ABHD12: variants seen among roughly 807,000 people sequenced by gnomAD.
The protein encoded by ABHD12 is abhydrolase domain containing 12, lysophospholipase.
Under a neutral mutation model 58.3 loss-of-function variants are expected in ABHD12, and 43 were observed. The observed-to-expected ratio is 0.74, with a 90% CI of 0.58 to 0.95. ABHD12 has a LOEUF of 0.95. Ranked by LOEUF, ABHD12 falls within the 40% of genes least tolerant of loss-of-function variation. ABHD12 has a pLI of 0.00. For missense variants in ABHD12, 539 were observed against 537.2 expected, an observed-to-expected ratio of 1.00 and a Z score of -0.03; for synonymous variants, 219 against 211.2, an observed-to-expected ratio of 1.04 and a Z score of -0.32.
rs545855807 is a variant in ABHD12 at position 25,326,494 on chromosome 20, T to C, written c.317-3064A>G. 2.6e-5 allele frequency among the ~76,000 whole-genome samples: 4 copies of C among 152,296 alleles called. No homozygotes were observed. The East Asian group carries it at 7.7e-4, about 29-fold the overall frequency. ...AGGAATTTACCAAACTCATAGGTAT[T>C]TGAGGATAGAAACCCATGGCTGGAC... On this transcript the variant is annotated intron_variant, in intron 2 of 12. Coordinates refer to ENST00000339157, the MANE Select transcript of ABHD12 (RefSeq NM_001042472.3).
At chr20:25,306,088 A>C (rs769668808) in intron 10 of ABHD12, among the ~76,000 whole-genome samples, 4 of 152,030 alleles carry the variant, frequency 2.6e-5, no homozygotes, top group Non-Finnish European at 4.4e-5. Flanking sequence ...AATCACTTGA[A>C]TCCAGGAGGC....
intron 1 of ABHD12, among the ~76,000 whole-genome samples, chr20:25,376,616 A>G (rs1307960858): frequency 6.6e-6 from 1 of 152,022 alleles, no homozygotes; most frequent in East Asian, 1.9e-4. Flanking sequence ...ACCTTGCTTT[A>G]TTTTTCTTTA....
intron 1 of ABHD12, among the ~76,000 whole-genome samples, chr20:25,343,156 CG>C (rs1162595327): frequency 1.3e-5 from 2 of 152,134 alleles, no homozygotes; most frequent in African/African-American, 4.8e-5. Flanking sequence ...CCAAAACTCA[CG>C]TAAGAAATAG....
At chr20:25,335,470 G>C (rs1312478040) in intron 2 of ABHD12, among the ~76,000 whole-genome samples, 2 of 145,668 alleles carry the variant, frequency 1.4e-5, no homozygotes, top group Non-Finnish European at 3.0e-5. Flanking sequence ...TATACCCAAA[G>C]GACTATAAAT....
intron 1 of ABHD12, among the ~76,000 whole-genome samples, chr20:25,380,323 G>A (rs961051046): frequency 2.0e-5 from 3 of 152,038 alleles, no homozygotes; most frequent in African/African-American, 4.8e-5. Flanking sequence ...ATGCAATGGC[G>A]CGATTTTGGC....
chr20:25,347,950 G>T (rs1331490730), intron 1 of ABHD12, among the ~76,000 whole-genome samples: 1 of 150,502 alleles, frequency 6.6e-6, no homozygotes, highest in African/African-American at 2.4e-5. Context: ...AGGGTCTCAC[G>T]CCTGGAATCC....
intron 2 of ABHD12, among the ~76,000 whole-genome samples, chr20:25,328,708 A>G (rs879719548): frequency 1.3e-5 from 2 of 152,226 alleles, no homozygotes; most frequent in African/African-American, 2.4e-5. Context: ...CTACTCCAGG[A>G]TGGCCTCATT....
chr20:25,368,205 G>A (rs1438961860), intron 1 of ABHD12: 5 of 1,225,054 alleles, frequency 4.1e-6, no homozygotes, highest in Non-Finnish European at 4.7e-6. Flanking sequence ...AGCAAATGGG[G>A]TGGAGGGGTG....
intron 1 of ABHD12, among the ~76,000 whole-genome samples, chr20:25,362,108 C>T (rs923242275): frequency 4.6e-5 from 7 of 151,526 alleles, no homozygotes; most frequent in Non-Finnish European, 1.0e-4. Flanking sequence ...AAACCCGTCT[C>T]TACTAAAAAT....
chr20:25,336,461 G>C (rs899665580), intron 2 of ABHD12, among the ~76,000 whole-genome samples: 5 of 152,116 alleles, frequency 3.3e-5, no homozygotes, highest in Admixed American at 2.0e-4. Flanking sequence ...AGATAGATTT[G>C]CTGTGAAGAA....
At chr20:25,341,075 T>C (rs1475373094) in intron 1 of ABHD12, among the ~76,000 whole-genome samples, 2 of 152,238 alleles carry the variant, frequency 1.3e-5, no homozygotes, top group Non-Finnish European at 2.9e-5. Flanking sequence ...CATCCGATAA[T>C]GTAACTCATT....
At chr20:25,339,936 C>T (rs1055611731) in intron 1 of ABHD12, among the ~76,000 whole-genome samples, 2 of 152,234 alleles carry the variant, frequency 1.3e-5, no homozygotes, top group African/African-American at 2.4e-5. Flanking sequence ...TTTCCAGGCC[C>T]GTCAAGCCAG....
At chr20:25,376,972 G>C (rs2146122013) in intron 1 of ABHD12, among the ~76,000 whole-genome samples, 1 of 152,278 alleles carries the variant, frequency 6.6e-6, no homozygotes. Flanking sequence ...AACAGAGTGA[G>C]AGAGAGAGGG....
chr20:25,349,016 G>A lies in ABHD12; in HGVS notation c.192-9665C>T, dbSNP rs148260644. Among the ~76,000 whole-genome samples, 643 of 151,438 alleles carry A rather than the reference G, an allele frequency of 4.2e-3. 5 individuals carry two copies. Among genetic ancestry groups the A allele is most frequent in the African/African-American group, 0.015 (604 of 41,244 alleles). ...GGAGAATGGTGTGATCCTGGGAGGC[G>A]GAGCTTGCAGTGAGCCGAGATCGCG... On this transcript the variant is annotated intron_variant, in intron 1 of 12. Coordinates refer to ENST00000339157, the MANE Select transcript of ABHD12 (RefSeq NM_001042472.3).
At chr20:25,353,962 C>T (rs999729450) in intron 1 of ABHD12, among the ~76,000 whole-genome samples, 2 of 152,210 alleles carry the variant, frequency 1.3e-5, no homozygotes, top group African/African-American at 4.8e-5. Context: ...ACATTTGGAA[C>T]AGGCTGGTCA....
chr20:25,303,605 A>C lies in ABHD12; in HGVS notation c.974T>G (p.Leu325Arg), dbSNP rs372416920. 1 of 1,613,708 alleles carries C rather than the reference A, an allele frequency of 6.2e-7. No individual in the cohort carries two copies. Among genetic ancestry groups the C allele is most frequent in the African/African-American group, 1.3e-5 (1 of 74,938 alleles). ...DENVKHISCP[L>R]LILHAEDDPV... ...GTCGTCCTCAGCGTGCAGGATGAGCAGGGGACAGGAGATGTGCTTCACGCT... is the reference window on the plus strand; with the variant it reads ...GTCGTCCTCAGCGTGCAGGATGAGCCGGGGACAGGAGATGTGCTTCACGCT... Residue 325 changes from leucine (L) to arginine (R), a missense_variant, in exon 11 of 13, where the codon CTG (leucine) becomes CGG (arginine). Coordinates refer to ENST00000339157, the MANE Select transcript of ABHD12 (RefSeq NM_001042472.3).
intron 1 of ABHD12, among the ~76,000 whole-genome samples, chr20:25,379,787 G>T (rs1163641681): frequency 6.6e-6 from 1 of 151,918 alleles, no homozygotes; most frequent in East Asian, 1.9e-4. Flanking sequence ...AGAGTGCAGT[G>T]GCTTGATCAT....
chr20:25,387,697 G>A (rs2090111306), intron 1 of ABHD12, among the ~76,000 whole-genome samples: 1 of 151,606 alleles, frequency 6.6e-6, no homozygotes, highest in African/African-American at 2.4e-5. Context: ...CCATGATCAT[G>A]CCACTGTGCT....
At chr20:25,390,075 GCCGGCCCCT>G (rs1312856929) in intron 1 of ABHD12, 1 of 154,762 alleles carries the variant, frequency 6.5e-6, no homozygotes, top group Non-Finnish European at 1.4e-5. Context: ...AGGGTCTGGC[GCCGGCCCCT>G]CTGCCTCCCG....
Sources: allele counts gnomAD v4.1 joint callset (sites outside exome capture counted in the v4.1 genomes callset), GRCh38; gene constraint gnomAD v4.1.1; transcripts MANE v1.5; gene names NCBI Gene and HGNC (gene_info 2026-07-23, HGNC 2026-07-21).